LMTK3: variants seen among roughly 807,000 people sequenced by gnomAD.
The protein encoded by LMTK3 is serine/threonine-protein kinase LMTK3.
A neutral mutation model predicts 116.7 loss-of-function variants in LMTK3; 27 were observed. The observed-to-expected ratio is 0.23, with a 90% CI of 0.17 to 0.32. The LOEUF is 0.32. Among genes scored for constraint, LMTK3 ranks in the 10% least tolerant of loss-of-function variants. LMTK3 has a pLI of 1.00. For synonymous variants in LMTK3, 965 were observed against 971.0 expected (o/e 0.99, Z 0.11); for missense variants, 1,764 against 2,068.5 (o/e 0.85, Z 2.86).
chr19:48,493,685 G>A lies in LMTK3; in HGVS notation c.4092+9C>T. 6.4e-7 allele frequency: 1 copy of A among 1,562,102 alleles called. No homozygotes were observed. Among genetic ancestry groups the A allele is most frequent in the Non-Finnish European group, 8.7e-7 (1 of 1,154,846 alleles). ...CGACCCCGAAACCGCGCCCTCTCGG[G>A]TTCCGCACCTGGTCGAAGAGGTAGA... On this transcript the variant is annotated intron_variant, in intron 12 of 14. Coordinates refer to ENST00000600059, the MANE Select transcript of LMTK3 (RefSeq NM_001388485.1).
rs781078164 is a variant in LMTK3, at chr19:48,491,148, G to A, written c.4326C>T (p.Thr1442=). 3 of 1,384,298 alleles carry A rather than the reference G, an allele frequency of 2.2e-6. No homozygotes were observed. The highest frequency in any genetic ancestry group is 3.0e-5 in the Admixed American group (1 of 33,092). 85.8% of individuals were successfully genotyped at this position (1,384,298 alleles called of 1,614,324 possible). A position where few individuals can be genotyped will look rare whatever the true frequency, so the allele number is the denominator to read the frequency against. The part of the protein sequence containing the change: ...SRFSVSPALE[T]PGPPARAPDA... ...CGGGGGCCCGGGCGGGTGGCCCCGG[G>A]GTCTCCAGCGCAGGCGAGACGGAGA... Residue 1442 remains threonine, a synonymous_variant, in exon 14 of 15, where the codon ACC becomes ACT. Transcript: ENST00000600059. This position sits in a 1 kb window ranked among gnomAD's most constrained non-coding sequence, Gnocchi z 5.1.
At chr19:48,495,039 T>A (rs1387642326) in intron 11 of LMTK3, among the ~76,000 whole-genome samples, 3 of 151,894 alleles carry the variant, frequency 2.0e-5, no homozygotes, top group African/African-American at 7.3e-5. Context: ...AATGAAGTCT[T>A]GCTCTCGTCG....
At position 48,511,682 on chromosome 19, in the gene LMTK3, C is replaced by A. The variant is rs1205716830; in HGVS notation, c.-106G>T. 1 of 534,034 alleles carries A rather than the reference C, an allele frequency of 1.9e-6. No individual in the cohort carries two copies. The highest frequency in any genetic ancestry group is 3.2e-6 in the Non-Finnish European group (1 of 314,222). 33.1% of individuals were successfully genotyped at this position (534,034 alleles called of 1,614,324 possible). On this transcript the variant is annotated 5_prime_UTR_variant, in exon 1 of 15. Coordinates refer to ENST00000600059, the MANE Select transcript of LMTK3 (RefSeq NM_001388485.1). Reference sequence around the variant, plus strand: ...GACCCGCGCGACCCTGGCCTCCTCCCGGCCCAGGAGAGGGGCAGGAGACGC... The same window carrying A: ...GACCCGCGCGACCCTGGCCTCCTCCAGGCCCAGGAGAGGGGCAGGAGACGC...
At chr19:48,487,468 C>A (rs1972146182) in intron 14 of LMTK3, among the ~76,000 whole-genome samples, 1 of 152,188 alleles carries the variant, frequency 6.6e-6, no homozygotes, top group Non-Finnish European at 1.5e-5. Flanking sequence ...AGCCACCATG[C>A]CTGGCCTACC....
In LMTK3 at chr19:48,499,800, T is replaced by A; in HGVS notation, c.1269A>T (p.Pro423=). ...SERPPRPPPP[P]PPPRDGPFPW... ...GGAAGGGACCGTCTCGGGGTGGGGG[T>A]GGCGGCGGTGGGGGCCGGGGAGGCC... Residue 423 remains proline (P), a synonymous_variant, in exon 11 of 15, where the codon CCA becomes CCT. Transcript: ENST00000600059. 4.7e-6 allele frequency: 2 copies of A among 430,056 alleles called. No individual in the cohort carries two copies. Among genetic ancestry groups the A allele is most frequent in the Non-Finnish European group, 6.4e-6 (2 of 310,658 alleles). The allele number at this position is 430,056 out of a possible 1,614,324, so 26.6% of individuals were successfully genotyped here. A position where few individuals can be genotyped will look rare whatever the true frequency, so the allele number is the denominator to read the frequency against.
intron 14 of LMTK3, among the ~76,000 whole-genome samples, chr19:48,487,442 T>C (rs540026730): frequency 1.6e-4 from 24 of 152,304 alleles, no homozygotes; most frequent in Non-Finnish European, 1.5e-4. Flanking sequence ...CACAAAGTGC[T>C]GGAATTACAG....
Position 48,485,758 on chromosome 19 carries a change from C to T in LMTK3, c.*15G>A, listed in dbSNP as rs748787565. The stretch of plus-strand genomic sequence containing the variant: ...CCCTCTTCTGAGGGTGCAGCGGGGT[C>T]GGGTCTTCGGGGAATCAATTCTCCA... On this transcript the variant is annotated 3_prime_UTR_variant, in exon 15 of 15. Coordinates refer to ENST00000600059, the MANE Select transcript of LMTK3 (RefSeq NM_001388485.1). 27 of 1,609,160 alleles carry T rather than the reference C, an allele frequency of 1.7e-5. No individual in the cohort carries two copies. The Admixed American group carries it at 2.9e-4, about 17-fold the overall frequency.
rs1972107113 is a variant in LMTK3 at position 48,485,566 on chromosome 19, G to A, written c.*207C>T. The A allele has an allele frequency of 1.7e-6, 1 of 578,646 alleles. No individual in the cohort carries two copies. The highest frequency in any genetic ancestry group is 3.0e-5 in the East Asian group (1 of 33,588). 35.8% of individuals were successfully genotyped at this position (578,646 alleles called of 1,614,324 possible). A position where few individuals can be genotyped will look rare whatever the true frequency, so the allele number is the denominator to read the frequency against. ...CATTTGGCTCCGAGGGGGTCAGGGGGGTCAGGGGAGCCATCTGGGGGGCTG... is the reference window on the plus strand; with the variant it reads ...CATTTGGCTCCGAGGGGGTCAGGGGAGTCAGGGGAGCCATCTGGGGGGCTG... On this transcript the variant is annotated 3_prime_UTR_variant, in exon 15 of 15. Coordinates refer to ENST00000600059, the MANE Select transcript of LMTK3 (RefSeq NM_001388485.1).
intron 6 of LMTK3, 60 bp from the exon 7 acceptor site, chr19:48,502,641 C>T: frequency 6.7e-7 from 1 of 1,501,296 alleles, no homozygotes; most frequent in Non-Finnish European, 8.9e-7. Context: ...GCTAGTCGGC[C>T]CGGAGGCTGG....
At position 48,510,591 on chromosome 19, in the gene LMTK3, A is replaced by G. The variant is rs1972640409; in HGVS notation, c.78T>C (p.Asp26=). 1.3e-6 allele frequency: 2 copies of G among 1,577,422 alleles called. No homozygotes were observed. The highest frequency in any genetic ancestry group is 8.6e-7 in the Non-Finnish European group (1 of 1,165,092). ...SGCLASPAHP[D]GFALGRAPLA... Reference sequence around the variant, plus strand: ...GAGGAGCCCGGCCCAGGGCGAATCCATCTGTGGGCACAGGGCTGGGCTGGG... The same window carrying G: ...GAGGAGCCCGGCCCAGGGCGAATCCGTCTGTGGGCACAGGGCTGGGCTGGG... The change falls in exon 2 of 15, where the codon GAT becomes GAC. Residue 26 remains aspartate, a splice_region_variant and synonymous_variant. Coordinates refer to ENST00000600059, the MANE Select transcript of LMTK3 (RefSeq NM_001388485.1).
chr19:48,502,333 C>T, intron 7 of LMTK3, 100 bp downstream of exon 7: 1 of 1,393,838 alleles, frequency 7.2e-7, no homozygotes, highest in Non-Finnish European at 9.7e-7. Context: ...TTTGTGTCAG[C>T]CAGTCATGGG....
chr19:48,498,599 G>T lies in LMTK3; in HGVS notation c.2470C>A (p.Pro824Thr), dbSNP rs1279972193. The change falls in exon 11 of 15, where the codon CCC becomes ACC. Residue 824 changes from proline to threonine, a missense_variant. Pro to Thr is a conservative substitution (Grantham distance 38). This residue lies in a region of LMTK3 where 1,028 missense variants were observed against 1,050.6 expected (regional missense o/e 0.98). Transcript: ENST00000600059. Reference protein sequence around the residue: ...EEEGVPRPRAPPEPPDPGAPR... With the variant: ...EEEGVPRPRATPEPPDPGAPR... ...GCTCCTGGGTCGGGTGGCTCGGGGG[G>T]AGCCCGCGGCCGAGGGACCCCTTCC... 1.9e-6 allele frequency: 3 copies of T among 1,548,458 alleles called. No homozygotes were observed. The African/African-American group carries it at 4.1e-5, about 21-fold the overall frequency.
Position 48,501,060 on chromosome 19 carries a change from C to A in LMTK3, c.1087G>T (p.Val363Leu). 6.4e-7 allele frequency: 1 copy of A among 1,561,192 alleles called. No individual in the cohort carries two copies. The change falls in exon 10 of 15, where the codon GTG becomes TTG. Residue 363 changes from valine to leucine, a missense_variant. Physicochemically the swap from Val to Leu is conservative, Grantham distance 32. Around this residue, in one of 7 missense-constraint regions of LMTK3, gnomAD observed 271 missense variants for 478.2 expected, o/e 0.57. Coordinates refer to ENST00000600059, the MANE Select transcript of LMTK3 (RefSeq NM_001388485.1). ...HLSDEEVLAF[V>L]VRQQHVKLAR... Reference sequence around the variant, plus strand: ...AGCTTCACATGCTGCTGGCGGACCACGAAGGCGAGGACCTCCTCGTCTGAC... The same window carrying A: ...AGCTTCACATGCTGCTGGCGGACCAAGAAGGCGAGGACCTCCTCGTCTGAC...
At chr19:48,489,524 G>T (rs1972184480) in intron 14 of LMTK3, among the ~76,000 whole-genome samples, 1 of 151,478 alleles carries the variant, frequency 6.6e-6, no homozygotes, top group African/African-American at 2.4e-5. Context: ...AATGAGCCGA[G>T]ATCACACCAT....
At chr19:48,492,538 G>C (rs1972244211) in intron 12 of LMTK3, among the ~76,000 whole-genome samples, 1 of 152,058 alleles carries the variant, frequency 6.6e-6, no homozygotes, top group Admixed American at 6.5e-5. Context: ...CGTCCCAGTC[G>C]TTAGGTTCGC....
Position 48,498,945 on chromosome 19 carries a change from G to T in LMTK3, c.2124C>A (p.Ser708=). The T allele has an allele frequency of 7.7e-7, 1 of 1,295,340 alleles. No homozygotes were observed. Among genetic ancestry groups the T allele is most frequent in the Non-Finnish European group, 9.8e-7 (1 of 1,024,532 alleles). The allele number at this position is 1,295,340 out of a possible 1,614,324, so 80.2% of individuals were successfully genotyped here. A position where few individuals can be genotyped will look rare whatever the true frequency, so the allele number is the denominator to read the frequency against. ...LGCPHPPEDD[S]SLRAERGSLA... Reference sequence around the variant, plus strand: ...GGGAGCCCCGCTCTGCCCGCAGCGAGGAGTCGTCCTCGGGGGGGTGGGGGC... The same window carrying T: ...GGGAGCCCCGCTCTGCCCGCAGCGATGAGTCGTCCTCGGGGGGGTGGGGGC... Residue 708 remains serine, a synonymous_variant, in exon 11 of 15, where the codon TCC becomes TCA. Coordinates refer to ENST00000600059, the MANE Select transcript of LMTK3 (RefSeq NM_001388485.1).
Position 48,485,501 on chromosome 19 carries a change from A to G in LMTK3, c.*272T>C. The G allele has an allele frequency of 2.2e-6, 1 of 463,778 alleles. No individual in the cohort carries two copies. The allele number at this position is 463,778 out of a possible 1,614,324, so 28.7% of individuals were successfully genotyped here. A position where few individuals can be genotyped will look rare whatever the true frequency, so the allele number is the denominator to read the frequency against. On this transcript the variant is annotated 3_prime_UTR_variant, in exon 15 of 15. Coordinates refer to ENST00000600059, the MANE Select transcript of LMTK3 (RefSeq NM_001388485.1). ...CAAAAGAGTTCAGTTCAGTTCCGAGAAAGGCGGCTCTCTATGGAGGGGCGG... is the reference window on the plus strand; with the variant it reads ...CAAAAGAGTTCAGTTCAGTTCCGAGGAAGGCGGCTCTCTATGGAGGGGCGG...
At position 48,499,058 on chromosome 19, in the gene LMTK3, G is replaced by T. The variant is rs1406668473; in HGVS notation, c.2011C>A (p.Leu671Met). The change falls in exon 11 of 15, where the codon CTG (leucine) becomes ATG (methionine). Residue 671 changes from leucine (L) to methionine (M), a missense_variant. Physicochemically the swap from Leu to Met is conservative, Grantham distance 15. Coordinates refer to ENST00000600059, the MANE Select transcript of LMTK3 (RefSeq NM_001388485.1). ...PSRRGPLPCP[L>M]CSREGACSCL... ...GAGCAGGCCCCCTCGCGGCTGCACAGGGGACAGGGTAGGGGACCCCGGCGG... is the reference window on the plus strand; with the variant it reads ...GAGCAGGCCCCCTCGCGGCTGCACATGGGACAGGGTAGGGGACCCCGGCGG... The T allele has an allele frequency of 6.5e-7, 1 of 1,529,602 alleles. No individual in the cohort carries two copies. The highest frequency in any genetic ancestry group is 8.8e-7 in the Non-Finnish European group (1 of 1,142,352). The allele number at this position is 1,529,602 out of a possible 1,614,324, so 94.8% of individuals were successfully genotyped here.
rs141193575 is a variant in LMTK3 at position 48,486,047 on chromosome 19, CTTTTTTTTTTTTT to C, written c.4367-271_4367-259del. 1.4e-3 allele frequency among the ~76,000 whole-genome samples: 82 copies of C among 59,808 alleles called. 2 individuals carry two copies. The highest frequency in any genetic ancestry group is 3.0e-3 in the South Asian group (4 of 1,352). 39.2% of individuals were successfully genotyped at this position (59,808 alleles called of 152,430 possible). ...GTTCCCGCTGCCTGGAACATTCTTC[CTTTTTTTTTTTTT>C]TTTTTTTTTTTTTTTTTGAGACGGA... On this transcript the variant is annotated intron_variant, in intron 14 of 14. Transcript: ENST00000600059.
Sources: gnomAD v4.1 joint callset for allele counts (sites outside exome capture counted in the v4.1 genomes callset) on GRCh38, gnomAD v4.1.1 for gene constraint, gnomAD v4.1.1 regional missense constraint, Gnocchi (gnomAD v3.1) non-coding constraint, MANE v1.5 for transcripts, NCBI Gene and HGNC (gene_info 2026-07-23, HGNC 2026-07-21) for gene names.